Variants in CBFB observed in about 807,000 individuals in gnomAD.
CBFB encodes the protein core-binding factor subunit beta.
Under a neutral mutation model 30.4 loss-of-function variants are expected in CBFB, and 9 were observed. The ratio of observed to expected loss-of-function variants is 0.30; its 90% CI spans 0.18 to 0.52. The LOEUF is 0.52. CBFB is among the 20% of genes least tolerant of loss of function. CBFB has a pLI of 0.97. For missense variants in CBFB, 170 were observed against 244.0 expected, an observed-to-expected ratio of 0.70 and a Z score of 2.02; for synonymous variants, 94 against 84.0, an observed-to-expected ratio of 1.12 and a Z score of -0.65.
At chr16:67,079,782 A>C (rs1282296607) in intron 4 of CBFB, among the ~76,000 whole-genome samples, 3 of 152,148 alleles carry the variant, frequency 2.0e-5, no homozygotes, top group African/African-American at 7.2e-5. Flanking sequence ...AATCTAGGAA[A>C]GTGAGTAGTA....
chr16:67,051,943 ACG>A (rs1467201944), intron 3 of CBFB, among the ~76,000 whole-genome samples: 1 of 148,930 alleles, frequency 6.7e-6, no homozygotes, highest in African/African-American at 2.5e-5. Context: ...ACACACACAC[ACG>A]CATACATATA....
At chr16:67,029,894 G>A in intron 2 of CBFB, 81 bp downstream of exon 2, 1 of 850,004 alleles carries the variant, frequency 1.2e-6, no homozygotes, top group Non-Finnish European at 1.7e-6. Context: ...GGACGGCGGC[G>A]CGGCTGCTGC....
rs747638867 is a variant in CBFB, at chr16:67,076,408, AC to A, written c.400-5804del. 1.3e-3 allele frequency among the ~76,000 whole-genome samples: 192 copies of A among 152,284 alleles called. 1 individual carries two copies. Among genetic ancestry groups the A allele is most frequent in the Admixed American group, 2.1e-3 (32 of 15,284 alleles). ...CTCAAAAAAATAAATAATTTAAAAA[AC>A]ATCACATGTTATATGAATCGATTTA... On this transcript the variant is annotated intron_variant, in intron 4 of 5. Coordinates refer to ENST00000412916, the MANE Select transcript of CBFB (RefSeq NM_022845.3).
In CBFB at chr16:67,047,381, G is replaced by T. The variant is rs151237208; in HGVS notation, c.282+10626G>T. The stretch of plus-strand genomic sequence containing the variant: ...AAAGGGCTGAGTCTGGGGATGGTTG[G>T]CAGGTTGTTTTTGTGGATGAAAAAC... On this transcript the variant is annotated intron_variant, in intron 3 of 5. Coordinates refer to ENST00000412916, the MANE Select transcript of CBFB (RefSeq NM_022845.3). Among the ~76,000 whole-genome samples, 62 of 152,268 alleles carry T rather than the reference G, an allele frequency of 4.1e-4. 1 individual carries two copies. In the East Asian group the frequency reaches 0.011, roughly 27 times the overall value.
intron 3 of CBFB, among the ~76,000 whole-genome samples, chr16:67,056,828 C>T (rs184691468): frequency 5.9e-5 from 9 of 152,106 alleles, no homozygotes; most frequent in Non-Finnish European, 8.8e-5. Context: ...ACTACAGGTG[C>T]GTGCCACCAC....
chr16:67,043,884 G>A (rs1966577758), intron 3 of CBFB, among the ~76,000 whole-genome samples: 1 of 152,124 alleles, frequency 6.6e-6, no homozygotes, highest in African/African-American at 2.4e-5. Flanking sequence ...GAACAATGTT[G>A]GAACACTACA....
intron 3 of CBFB, among the ~76,000 whole-genome samples, chr16:67,040,811 A>G (rs1966516148): frequency 6.6e-6 from 1 of 152,216 alleles, no homozygotes; most frequent in South Asian, 2.1e-4. Context: ...GGTCTGGGTA[A>G]GGAAGATCAT....
chr16:67,053,488 C>G (rs1043390169), intron 3 of CBFB, among the ~76,000 whole-genome samples: 9 of 151,728 alleles, frequency 5.9e-5, no homozygotes, highest in African/African-American at 1.9e-4. Flanking sequence ...ATCTCCTGAC[C>G]TTGTGATCCA....
chr16:67,051,162 T>C (rs1478163448), intron 3 of CBFB, among the ~76,000 whole-genome samples: 1 of 152,204 alleles, frequency 6.6e-6, no homozygotes, highest in Admixed American at 6.5e-5. Flanking sequence ...TTTCATTTGT[T>C]AGATGTGTCT....
rs1163773529 is a variant in CBFB, at chr16:67,055,357, C to CTTTT, written c.283-11301_283-11298dup. 7.2e-3 allele frequency among the ~76,000 whole-genome samples: 589 copies of CTTTT among 81,466 alleles called. 115 individuals are homozygous for CTTTT. The highest frequency in any genetic ancestry group is 0.029 in the African/African-American group (532 of 18,446). The allele number at this position is 81,466 out of a possible 152,430, so 53.4% of individuals were successfully genotyped here. A position where few individuals can be genotyped will look rare whatever the true frequency, so the allele number is the denominator to read the frequency against. On this transcript the variant is annotated intron_variant, in intron 3 of 5. Transcript: ENST00000412916. ...AAATCTATTGAATTCCAGACACTTT[C>CTTTT]TTTTTTTTTTTTTTTTTTTTTTTTT...
At chr16:67,034,816 C>A (rs948883177) in intron 2 of CBFB, among the ~76,000 whole-genome samples, 1 of 152,156 alleles carries the variant, frequency 6.6e-6, no homozygotes, top group Non-Finnish European at 1.5e-5. Context: ...CACCACTCTG[C>A]TCTGAGAATT....
chr16:67,098,822 T>A lies in CBFB; in HGVS notation c.*44T>A. On this transcript the variant is annotated 3_prime_UTR_variant, in exon 6 of 6. Coordinates refer to ENST00000412916, the MANE Select transcript of CBFB (RefSeq NM_022845.3). ...TGTGCTGCCCATCTTTACATACACATTGCTTCTAGTTGGCAGAAATAATTG... is the reference window on the plus strand; with the variant it reads ...TGTGCTGCCCATCTTTACATACACAATGCTTCTAGTTGGCAGAAATAATTG... 9.6e-7 allele frequency: 1 copy of A among 1,046,924 alleles called. No homozygotes were observed. The highest frequency in any genetic ancestry group is 2.4e-5 in the East Asian group (1 of 42,148). The allele number at this position is 1,046,924 out of a possible 1,614,324, so 64.9% of individuals were successfully genotyped here.
intron 5 of CBFB, among the ~76,000 whole-genome samples, chr16:67,091,849 TTTG>T (rs556456138): frequency 1.3e-3 from 197 of 151,652 alleles, no homozygotes; most frequent in Admixed American, 2.0e-3. Context: ...TCATCTAGGT[TTTG>T]TTGTTGTTGT....
chr16:67,066,732 A>G lies in CBFB; in HGVS notation c.333A>G (p.Lys111=), dbSNP rs111703688. Residue 111 remains lysine, a synonymous_variant, in exon 4 of 6, where the codon AAA becomes AAG. Coordinates refer to ENST00000412916, the MANE Select transcript of CBFB (RefSeq NM_022845.3). ...MILNGVCVIW[K]GWIDLQRLDG... ...TGAATGGAGTCTGTGTTATCTGGAA[A>G]GGCTGGATTGATCTCCAAAGACTGG... 4.6e-5 allele frequency: 74 copies of G among 1,610,750 alleles called. No individual in the cohort carries two copies. In the African/African-American group the frequency reaches 5.1e-4, roughly 11 times the overall value.
At chr16:67,046,653 C>T (rs1373125744) in intron 3 of CBFB, among the ~76,000 whole-genome samples, 1 of 152,202 alleles carries the variant, frequency 6.6e-6, no homozygotes, top group Non-Finnish European at 1.5e-5. Flanking sequence ...AAAAAGTTCC[C>T]TCATGCCCCC....
At chr16:67,040,083 A>G (rs1567605409) in intron 3 of CBFB, among the ~76,000 whole-genome samples, 1 of 152,308 alleles carries the variant, frequency 6.6e-6, no homozygotes, top group East Asian at 1.9e-4. Context: ...AATTTAGAGA[A>G]AAGGCATTGC....
intron 4 of CBFB, among the ~76,000 whole-genome samples, chr16:67,079,842 A>G (rs1042191113): frequency 1.3e-5 from 2 of 152,114 alleles, no homozygotes; most frequent in Non-Finnish European, 2.9e-5. Flanking sequence ...CTTCAAGTGT[A>G]CCATCAAAAA....
chr16:67,043,104 T>C (rs1439258972), intron 3 of CBFB, among the ~76,000 whole-genome samples: 1 of 152,186 alleles, frequency 6.6e-6, no homozygotes, highest in East Asian at 1.9e-4. Flanking sequence ...TTTGAGTCAC[T>C]TGTTGCTTAG....
At chr16:67,097,237 AAAC>A (rs1394756846) in intron 5 of CBFB, among the ~76,000 whole-genome samples, 2 of 151,444 alleles carry the variant, frequency 1.3e-5, no homozygotes, top group South Asian at 2.1e-4. Context: ...TGTCTCAAAA[AAAC>A]AACAAACAAA....
Sources: allele counts gnomAD v4.1 joint callset (sites outside exome capture counted in the v4.1 genomes callset), GRCh38; gene constraint gnomAD v4.1.1; transcripts MANE v1.5; gene names NCBI Gene and HGNC (gene_info 2026-07-23, HGNC 2026-07-21).